Variants in HNRNPL observed in about 807,000 individuals in gnomAD.
The protein encoded by HNRNPL is heterogeneous nuclear ribonucleoprotein L, also known as epididymis secretory sperm binding protein.
A neutral mutation model predicts 64.0 loss-of-function variants in HNRNPL; 12 were observed. The ratio of observed to expected loss-of-function variants is 0.19; its 90% confidence interval spans 0.12 to 0.30. HNRNPL has a LOEUF of 0.30. Ranked by LOEUF, HNRNPL falls within the 10% of genes least tolerant of loss-of-function variation. The pLI, the probability that HNRNPL is intolerant of heterozygous loss-of-function variation, is 1.00. For missense variants in HNRNPL, 484 were observed against 797.4 expected, an observed-to-expected ratio of 0.61 and a Z score of 4.73; for synonymous variants, 385 against 313.0, an observed-to-expected ratio of 1.23 and a Z score of -2.43.
rs1350051059 is a variant in HNRNPL, at chr19:38,839,022, G to GA, written c.1234-8dup. 3.1e-6 allele frequency: 5 copies of GA among 1,613,980 alleles called. No individual in the cohort carries two copies. Among genetic ancestry groups the GA allele is most frequent in the East Asian group, 4.5e-5 (2 of 44,880 alleles). ...TGCTTTTCATGAATTTCACCTTGGG[G>GA]AGAGTAGCTGCAGTCAGCACCTCTG... On this transcript the variant is annotated splice_region_variant and splice_polypyrimidine_tract_variant and intron_variant, in intron 8 of 12. Transcript: ENST00000221419.
chr19:38,840,073 CA>C (rs778206148), intron 8 of HNRNPL, 22 bp downstream of exon 8: 71 of 1,612,490 alleles, frequency 4.4e-5, no homozygotes, highest in Admixed American at 2.3e-4. Context: ...GCGAGGAACC[CA>C]GGGGGCCCGG....
rs574127246 is a variant in HNRNPL at position 38,849,654 on chromosome 19, G to A, written c.267+46C>T. 3.7e-4 allele frequency: 479 copies of A among 1,304,220 alleles called. 3 individuals are homozygous for A. The African/African-American group carries it at 5.7e-3, about 16-fold the overall frequency. The allele number at this position is 1,304,220 out of a possible 1,614,324, so 80.8% of individuals were successfully genotyped here. ...TAAAATGCCCTCAAGCTGGGAAATT[G>A]TCCCCCAGTTCCCGGCCTTCCCAGC... On this transcript the variant is annotated intron_variant, in intron 1 of 12. Transcript: ENST00000221419.
rs753436899 is a variant in HNRNPL, at chr19:38,839,027, T to C, written c.1234-12A>G. On this transcript the variant is annotated splice_polypyrimidine_tract_variant and intron_variant, in intron 8 of 12. Transcript: ENST00000221419. ...TTCATGAATTTCACCTTGGGGAGAG[T>C]AGCTGCAGTCAGCACCTCTGTCCAG... The C allele has an allele frequency of 6.2e-7, 1 of 1,613,278 alleles. No homozygotes were observed.
At chr19:38,850,717 T>TATAC (rs1250029204), upstream of HNRNPL, among the ~76,000 whole-genome samples, 3 of 152,188 alleles carry the variant, frequency 2.0e-5, no homozygotes, top group Non-Finnish European at 2.9e-5. Flanking sequence ...CCAGGGTATC[T>TATAC]CTGTCGCCAT....
At position 38,840,210 on chromosome 19, in the gene HNRNPL, G is replaced by C. The variant is rs755276524; in HGVS notation, c.1119C>G (p.Pro373=). The change falls in exon 8 of 13, where the codon CCC becomes CCG. Residue 373 remains proline (P), a synonymous_variant. Coordinates refer to ENST00000221419, the MANE Select transcript of HNRNPL (RefSeq NM_001533.3). ...YGHPPPPPPP[P]EYGPHADSPV... ...GGCTGTCGGCGTGAGGGCCATACTC[G>C]GGTGGTGGGGGAGGGGGTGGGGGGT... 1.8e-5 allele frequency: 28 copies of C among 1,576,250 alleles called. No homozygotes were observed. In the South Asian group the frequency reaches 3.0e-4, roughly 17 times the overall value.
rs1307717073 is a variant in HNRNPL, at chr19:38,837,483, A to T, written c.1616-4T>A. ...AGTCCAGAGGAGCTGCGCTCACCTG[A>T]TTGCAAACCAAGGGGAAAAGTAAAG... On this transcript the variant is annotated splice_region_variant and splice_polypyrimidine_tract_variant and intron_variant, in intron 11 of 12. Transcript: ENST00000221419. The T allele has an allele frequency of 1.2e-6, 2 of 1,613,924 alleles. No homozygotes were observed. The highest frequency in any genetic ancestry group is 1.7e-6 in the Non-Finnish European group (2 of 1,179,884).
intron 6 of HNRNPL, chr19:38,841,234 AACTTAGCGCTTAAGTGGCAGGC>A (rs1336482666): frequency 6.9e-6 from 2 of 288,056 alleles, no homozygotes; most frequent in Non-Finnish European, 1.4e-5. Context: ...CACTGCCTTT[AACTTAGCGCTTAAGTGGCAGGC>A]ACTGGGCTAA....
intron 4 of HNRNPL, 188 bp downstream of exon 4, chr19:38,845,462 T>C (rs1972262051): frequency 1.6e-6 from 1 of 607,596 alleles, no homozygotes; most frequent in Admixed American, 2.9e-5. Context: ...CCCTAAGATC[T>C]GCACGTCCAC....
chr19:38,850,255 C>G (rs556747658), upstream of HNRNPL: 162 of 359,888 alleles, frequency 4.5e-4, no homozygotes, highest in Non-Finnish European at 7.3e-4. Flanking sequence ...CGCTGCTGGC[C>G]TCCCTAAAAG....
chr19:38,851,909 A>G (rs1212231303), upstream of HNRNPL, among the ~76,000 whole-genome samples: 2 of 152,086 alleles, frequency 1.3e-5, no homozygotes, highest in Non-Finnish European at 2.9e-5. Flanking sequence ...CCAACGGAAC[A>G]GAGACGGGGG....
intron 4 of HNRNPL, chr19:38,844,714 T>C: frequency 6.8e-6 from 1 of 148,132 alleles, no homozygotes; most frequent in Non-Finnish European, 1.5e-5. Flanking sequence ...TGCCCCACCT[T>C]TTTTTTTTTT....
rs554633784 is a variant in HNRNPL, at chr19:38,847,555, A to T, written c.268-121T>A. ...GTTGGAGGTCATCCGTGAAGGATGC[A>T]CAGGAAAGACTAGGGGCAGCAATTG... On this transcript the variant is annotated intron_variant, in intron 1 of 12. Transcript: ENST00000221419. 3 of 506,778 alleles carry T rather than the reference A, an allele frequency of 5.9e-6. No homozygotes were observed. In the East Asian group the frequency reaches 9.7e-5, roughly 16 times the overall value. The allele number at this position is 506,778 out of a possible 1,614,324, so 31.4% of individuals were successfully genotyped here. A position where few individuals can be genotyped will look rare whatever the true frequency, so the allele number is the denominator to read the frequency against.
chr19:38,838,792 G>GT, intron 9 of HNRNPL, 102 bp downstream of exon 9: 10 of 1,497,086 alleles, frequency 6.7e-6, no homozygotes, highest in Non-Finnish European at 9.3e-6. Flanking sequence ...CCATTTCTGT[G>GT]TGAGTCAACA....
intron 1 of HNRNPL, among the ~76,000 whole-genome samples, chr19:38,847,948 G>C (rs1243162726): frequency 3.9e-5 from 6 of 152,146 alleles, no homozygotes; most frequent in Non-Finnish European, 8.8e-5. Flanking sequence ...CCCAGGTTCA[G>C]TCAGGGCAAA....
chr19:38,844,233 A>G, intron 4 of HNRNPL, 129 bp from the exon 5 acceptor site: 1 of 650,922 alleles, frequency 1.5e-6, no homozygotes, highest in Non-Finnish European at 2.7e-6. Context: ...GGATTAGCTC[A>G]CTGCCCAGCC....
At chr19:38,849,504 G>C in intron 1 of HNRNPL, 196 bp downstream of exon 1, 1 of 721,464 alleles carries the variant, frequency 1.4e-6, no homozygotes, top group Non-Finnish European at 1.9e-6. Flanking sequence ...CCCCGCTCCG[G>C]ACCCCGCGCA....
At chr19:38,837,736 CAGTACTTGA>C in intron 10 of HNRNPL, 85 bp from the exon 11 acceptor site, 1 of 1,189,520 alleles carries the variant, frequency 8.4e-7, no homozygotes, top group South Asian at 1.3e-5. Context: ...CTGCATGACT[CAGTACTTGA>C]AGTTTTCAGG....
chr19:38,849,980 C>T lies in HNRNPL; in HGVS notation c.-14G>A. On this transcript the variant is annotated 5_prime_UTR_variant, in exon 1 of 13. Coordinates refer to ENST00000221419, the MANE Select transcript of HNRNPL (RefSeq NM_001533.3). ...CCTCCGCGACATGGCGGCGCAGAACCCGCCTCCCCCCGCCTCTCATTGGGG... is the reference window on the plus strand; with the variant it reads ...CCTCCGCGACATGGCGGCGCAGAACTCGCCTCCCCCCGCCTCTCATTGGGG... 1 of 1,320,626 alleles carries T rather than the reference C, an allele frequency of 7.6e-7. No individual in the cohort carries two copies. 81.8% of individuals were successfully genotyped at this position (1,320,626 alleles called of 1,614,324 possible).
intron 6 of HNRNPL, among the ~76,000 whole-genome samples, chr19:38,842,987 T>C (rs1309199233): frequency 6.6e-6 from 1 of 152,206 alleles, no homozygotes; most frequent in African/African-American, 2.4e-5. Context: ...CAGGGCCCAC[T>C]GTGAGGATCC....
Sources: allele counts gnomAD v4.1 joint callset (sites outside exome capture counted in the v4.1 genomes callset), GRCh38; gene constraint gnomAD v4.1.1; transcripts MANE v1.5; gene names NCBI Gene and HGNC (gene_info 2026-07-23, HGNC 2026-07-21).